Variants in NFASC observed in about 807,000 individuals in gnomAD.
The protein encoded by NFASC is neurofascin homolog.
In NFASC, 43 loss-of-function variants were observed where a neutral mutation model predicts 147.5. The ratio of observed to expected loss-of-function variants is 0.29; its 90% CI spans 0.23 to 0.38. The LOEUF (loss-of-function observed/expected upper bound fraction) is 0.38, where lower values mean the gene tolerates loss of function less well. Ranked by LOEUF, NFASC falls within the 10% of genes least tolerant of loss-of-function variation. The probability of loss-of-function intolerance (pLI) is 1.00; values close to 1 mark genes in which losing one functional copy is unlikely to be tolerated. For synonymous variants in NFASC, 622 were observed against 665.5 expected (o/e 0.93, Z 1.01); for missense variants, 1,320 against 1,689.0 (o/e 0.78, Z 3.83).
intron 2 of NFASC, among the ~76,000 whole-genome samples, chr1:204,927,892 C>T (rs1435087207): frequency 1.3e-5 from 2 of 152,194 alleles, no homozygotes; most frequent in Admixed American, 6.5e-5. Context: ...AAACTTCCTC[C>T]CTGAGGGGAG....
intron 1 of NFASC, among the ~76,000 whole-genome samples, chr1:204,833,202 G>A (rs182116801): frequency 8.5e-5 from 13 of 152,286 alleles, no homozygotes; most frequent in South Asian, 2.1e-4. Context: ...CACCATTATC[G>A]AGTTCTTTCT....
chr1:204,875,413 T>C (rs2078584698), intron 1 of NFASC, among the ~76,000 whole-genome samples: 2 of 152,032 alleles, frequency 1.3e-5, no homozygotes, highest in African/African-American at 4.8e-5. Flanking sequence ...CTCCCAGAAG[T>C]CACATGTGCC....
chr1:204,944,521 C>T (rs1573482793), intron 3 of NFASC, 115 bp downstream of exon 3: 7 of 835,138 alleles, frequency 8.4e-6, no homozygotes, highest in Admixed American at 3.1e-5. Flanking sequence ...GGAGAGGGGA[C>T]GCAGTGGATT....
At chr1:204,948,491 T>C (rs566589011) in intron 3 of NFASC, among the ~76,000 whole-genome samples, 2 of 152,128 alleles carry the variant, frequency 1.3e-5, no homozygotes, top group Non-Finnish European at 2.9e-5. Context: ...GTCTCCCCTC[T>C]CACTCACCCT....
At chr1:204,961,230 G>A (rs746925003) in intron 8 of NFASC, among the ~76,000 whole-genome samples, 1 of 152,178 alleles carries the variant, frequency 6.6e-6, no homozygotes, top group African/African-American at 2.4e-5. Context: ...AAATGCCCAC[G>A]AGTTTGAATT....
intron 8 of NFASC, 33 bp downstream of exon 8, chr1:204,957,859 C>A: frequency 1.2e-6 from 2 of 1,607,964 alleles, no homozygotes; most frequent in Non-Finnish European, 1.7e-6. Flanking sequence ...GGGCTGGGGG[C>A]CAAAGAAAGA....
intron 1 of NFASC, among the ~76,000 whole-genome samples, chr1:204,889,933 C>T (rs1009293396): frequency 3.3e-5 from 5 of 152,214 alleles, no homozygotes; most frequent in African/African-American, 9.7e-5. Flanking sequence ...GAGGGTAATT[C>T]CCCTCCGGCA....
chr1:204,978,886 A>G, intron 17 of NFASC, 82 bp from the exon 18 acceptor site: 3 of 1,094,740 alleles, frequency 2.7e-6, no homozygotes, highest in Admixed American at 2.5e-5. Flanking sequence ...ACAGCCCGTC[A>G]GGGAGCTGTC....
chr1:204,845,905 C>T (rs576340921), intron 1 of NFASC, among the ~76,000 whole-genome samples: 1 of 151,992 alleles, frequency 6.6e-6, no homozygotes, highest in African/African-American at 2.4e-5. Context: ...CTGACTCTTG[C>T]TCCCAATAAG....
intron 8 of NFASC, among the ~76,000 whole-genome samples, chr1:204,963,828 G>A (rs770296394): frequency 1.3e-5 from 2 of 152,266 alleles, no homozygotes; most frequent in Admixed American, 6.5e-5. Flanking sequence ...TCTTTCTGGA[G>A]TGCAGGCATC....
rs560137568 is a variant in NFASC at position 204,924,445 on chromosome 1, G to A, written c.-91+3705G>A. 3.3e-5 allele frequency among the ~76,000 whole-genome samples: 5 copies of A among 152,356 alleles called. No homozygotes were observed. The South Asian group carries it at 8.3e-4, about 25-fold the overall frequency. ...ATCAGCAGCTAAACCAATATTGGCA[G>A]CTGAATTGATGTCAATTCAGAAGAC... On this transcript the variant is annotated intron_variant, in intron 2 of 29. Coordinates refer to ENST00000339876, the MANE Select transcript of NFASC (RefSeq NM_001005388.3).
rs188548668 is a variant in NFASC at position 204,865,676 on chromosome 1, T to A, written c.-200+36894T>A. 3.9e-5 allele frequency among the ~76,000 whole-genome samples: 6 copies of A among 152,356 alleles called. No individual in the cohort carries two copies. In the East Asian group the frequency reaches 1.2e-3, roughly 29 times the overall value. On this transcript the variant is annotated intron_variant, in intron 1 of 29. Transcript: ENST00000339876. Reference sequence around the variant, plus strand: ...CACTACAACACTGATTTGATTACCATAGCTTTGTAGTATGTTTTGAAATCA... The same window carrying A: ...CACTACAACACTGATTTGATTACCAAAGCTTTGTAGTATGTTTTGAAATCA...
intron 11 of NFASC, among the ~76,000 whole-genome samples, chr1:204,971,718 T>C (rs2095262733): frequency 6.6e-6 from 1 of 152,122 alleles, no homozygotes; most frequent in Non-Finnish European, 1.5e-5. Context: ...AGTGGTGAAG[T>C]TGTGGGTTGC....
chr1:204,875,193 TA>T (rs1434310141), intron 1 of NFASC, among the ~76,000 whole-genome samples: 1 of 152,140 alleles, frequency 6.6e-6, no homozygotes, highest in Non-Finnish European at 1.5e-5. Context: ...TGATTATCCT[TA>T]AGCTGGATTT....
chr1:204,877,021 TATATATAATA>T (rs1558548236), intron 1 of NFASC, among the ~76,000 whole-genome samples: 16 of 103,306 alleles, frequency 1.5e-4, no homozygotes, highest in Middle Eastern at 4.3e-3. Context: ...TATATATATA[TATATATAATA>T]TATATTTATA....
At chr1:204,965,398 CAT>C (rs1273655245) in intron 8 of NFASC, among the ~76,000 whole-genome samples, 1 of 152,222 alleles carries the variant, frequency 6.6e-6, no homozygotes, top group Non-Finnish European at 1.5e-5. Flanking sequence ...CCTAGATTTT[CAT>C]ATGAGTTCCT....
chr1:205,016,270 C>T lies in NFASC; in HGVS notation c.3492-38C>T, dbSNP rs992859368. On this transcript the variant is annotated intron_variant, in intron 29 of 29. Coordinates refer to ENST00000339876, the MANE Select transcript of NFASC (RefSeq NM_001005388.3). The surrounding 1 kb of genome is among the most constrained non-coding windows in gnomAD (Gnocchi z 5.1). The stretch of plus-strand genomic sequence containing the variant: ...GCTGGCAGGAGGCCAGCTGCCCCAT[C>T]TCACCCCACCTGAGATTCTCTGTCT... 6.7e-7 allele frequency: 1 copy of T among 1,481,982 alleles called. No individual in the cohort carries two copies. The highest frequency in any genetic ancestry group is 1.7e-5 in the Admixed American group (1 of 59,780). The allele number at this position is 1,481,982 out of a possible 1,614,324, so 91.8% of individuals were successfully genotyped here. A position where few individuals can be genotyped will look rare whatever the true frequency, so the allele number is the denominator to read the frequency against.
At chr1:204,981,604 G>A (rs1249248931) in intron 20 of NFASC, among the ~76,000 whole-genome samples, 194 bp from the exon 21 acceptor site, 2 of 152,262 alleles carry the variant, frequency 1.3e-5, no homozygotes, top group Admixed American at 6.5e-5. Flanking sequence ...TCTGCATGCT[G>A]CTGGGTTCAC....
chr1:204,829,181 C>T (rs2102295411), intron 1 of NFASC, among the ~76,000 whole-genome samples: 1 of 150,454 alleles, frequency 6.6e-6, no homozygotes, highest in South Asian at 2.2e-4. Context: ...TTTCCTACCG[C>T]ACACATCAGC....
Sources: gnomAD v4.1 joint callset for allele counts (sites outside exome capture counted in the v4.1 genomes callset) on GRCh38, gnomAD v4.1.1 for gene constraint, Gnocchi (gnomAD v3.1) non-coding constraint, MANE v1.5 for transcripts, NCBI Gene and HGNC (gene_info 2026-07-23, HGNC 2026-07-21) for gene names.